Variants in UNC13C observed in about 807,000 individuals in gnomAD.
UNC13C encodes the protein unc-13 homolog C.
In UNC13C, 174 loss-of-function variants were observed where a neutral mutation model predicts 245.4. The observed-to-expected ratio is 0.71, with a 90% confidence interval of 0.63 to 0.80. UNC13C has a LOEUF of 0.80. Among genes scored for constraint, UNC13C ranks in the 30% least tolerant of loss-of-function variants. The probability of loss-of-function intolerance (pLI) is 0.00; values close to 1 mark genes in which losing one functional copy is unlikely to be tolerated. For missense variants in UNC13C, 2,829 were observed against 2,602.9 expected (o/e 1.09, Z -1.89); for synonymous variants, 992 against 895.1 (o/e 1.11, Z -1.93).
intron 19 of UNC13C, among the ~76,000 whole-genome samples, chr15:54,415,370 A>G (rs920055067): frequency 8.5e-5 from 13 of 152,172 alleles, no homozygotes; most frequent in Admixed American, 7.2e-4. Flanking sequence ...AGCAGGCCAT[A>G]TTGAGGGGGT....
intron 17 of UNC13C, among the ~76,000 whole-genome samples, chr15:54,374,899 T>G (rs1395975341): frequency 6.6e-6 from 1 of 152,256 alleles, no homozygotes; most frequent in Non-Finnish European, 1.5e-5. Context: ...AGCAGATCAC[T>G]GCAGTATCCA....
chr15:54,411,712 T>C lies in UNC13C; in HGVS notation c.4848-3270T>C, dbSNP rs760151510. 1.7e-4 allele frequency among the ~76,000 whole-genome samples: 26 copies of C among 152,194 alleles called. 1 individual carries two copies. Among genetic ancestry groups the C allele is most frequent in the Admixed American group, 1.0e-3 (16 of 15,274 alleles). On this transcript the variant is annotated intron_variant, in intron 18 of 32. Coordinates refer to ENST00000260323, the MANE Select transcript of UNC13C (RefSeq NM_001080534.3). The stretch of plus-strand genomic sequence containing the variant: ...TTCTGTATAAATTATTATATTTTCA[T>C]AGAAAGCTGCAAATACAAGTAATGT...
At chr15:53,897,607 A>G in the UNC13C span, among the ~76,000 whole-genome samples, 16 of 152,306 alleles carry the variant, frequency 1.1e-4, no homozygotes, top group African/African-American at 3.6e-4. Flanking sequence ...GCAATACATT[A>G]CAACTCAACT....
Position 54,250,386 on chromosome 15 carries a change from G to T in UNC13C, c.3390G>T (p.Glu1130Asp). The T allele has an allele frequency of 6.2e-7, 1 of 1,613,908 alleles. No individual in the cohort carries two copies. Among genetic ancestry groups the T allele is most frequent in the South Asian group, 1.1e-5 (1 of 91,072 alleles). The change falls in exon 8 of 33, where the codon GAG becomes GAT. Residue 1130 changes from glutamate (E) to aspartate (D), a missense_variant. Glu to Asp is a conservative substitution (Grantham distance 45). Transcript: ENST00000260323. The stretch of plus-strand genomic sequence containing the variant: ...CAAGGCAAGGCATGAAGTGTCTGGA[G>T]TGTGGAGTGAAATGCCACGAAAAGT... ...GIARQGMKCL[E>D]CGVKCHEKCQ...
chr15:54,074,735 G>A (rs1397881127), intron 2 of UNC13C, among the ~76,000 whole-genome samples: 1 of 152,198 alleles, frequency 6.6e-6, no homozygotes, highest in Admixed American at 6.5e-5. Flanking sequence ...CATATTGCAA[G>A]ACTTGGCTGA....
chr15:54,406,258 G>A (rs531080881), intron 18 of UNC13C, among the ~76,000 whole-genome samples: 4 of 152,316 alleles, frequency 2.6e-5, no homozygotes, highest in South Asian at 4.1e-4. Flanking sequence ...TGGAAAAGCA[G>A]CAAGGCCTGC....
In UNC13C at chr15:54,512,589, A is replaced by G. The variant is rs150207070; in HGVS notation, c.5457+759A>G. On this transcript the variant is annotated intron_variant, in intron 24 of 32. Transcript: ENST00000260323. The stretch of plus-strand genomic sequence containing the variant: ...GCATTCAGGGATTGAGGACTGGAGA[A>G]GGTGCTGAGAGGGAGGGTCATGAAG... Among the ~76,000 whole-genome samples the G allele has an allele frequency of 6.6e-4, 101 of 152,264 alleles. No individual in the cohort carries two copies. The Middle Eastern group carries it at 0.01, about 15-fold the overall frequency.
At chr15:54,476,811 T>C (rs1892769861) in intron 19 of UNC13C, among the ~76,000 whole-genome samples, 1 of 150,896 alleles carries the variant, frequency 6.6e-6, no homozygotes, top group African/African-American at 2.4e-5. Context: ...TGGTTCCATA[T>C]GAACTTTAAA....
intron 13 of UNC13C, among the ~76,000 whole-genome samples, chr15:54,314,772 A>G (rs892608974): frequency 5.9e-5 from 9 of 151,658 alleles, no homozygotes; most frequent in African/African-American, 1.7e-4. Flanking sequence ...TTCCATCTTG[A>G]TTTTATATTT....
At chr15:54,365,577 T>C (rs2039345639) in intron 17 of UNC13C, among the ~76,000 whole-genome samples, 1 of 152,094 alleles carries the variant, frequency 6.6e-6, no homozygotes, top group African/African-American at 2.4e-5. Context: ...AAGATATCTT[T>C]TGTATTACGT....
intron 10 of UNC13C, among the ~76,000 whole-genome samples, chr15:54,272,669 C>T (rs116672342): frequency 1.7e-3 from 259 of 152,106 alleles, no homozygotes; most frequent in African/African-American, 6.1e-3. Context: ...TTATGTCTAG[C>T]AGCAGGAAAA....
intron 17 of UNC13C, among the ~76,000 whole-genome samples, chr15:54,353,972 C>T (rs575395020): frequency 6.6e-6 from 1 of 152,328 alleles, no homozygotes; most frequent in Non-Finnish European, 1.5e-5. Context: ...ACAGCTCTTA[C>T]AATTCCTAGG....
At chr15:54,533,194 C>G (rs1895839379) in intron 26 of UNC13C, 128 bp downstream of exon 26, 2 of 638,176 alleles carry the variant, frequency 3.1e-6, no homozygotes, top group African/African-American at 3.9e-5. Context: ...TAAATGAATT[C>G]AAAGATAAAT....
chr15:54,478,115 C>G (rs1240547436), intron 19 of UNC13C, among the ~76,000 whole-genome samples: 1 of 151,616 alleles, frequency 6.6e-6, no homozygotes, highest in African/African-American at 2.4e-5. Flanking sequence ...TTGTAGTATT[C>G]TCTGATGGTA....
At chr15:53,901,312 C>T in the UNC13C span, among the ~76,000 whole-genome samples, 933 of 151,324 alleles carry the variant, frequency 6.2e-3, 9 homozygotes, top group African/African-American at 0.021. Context: ...CTCCACCTCC[C>T]GGGTTCATGC....
chr15:54,295,988 T>C (rs1448239578), intron 11 of UNC13C, among the ~76,000 whole-genome samples: 1 of 152,126 alleles, frequency 6.6e-6, no homozygotes, highest in African/African-American at 2.4e-5. Context: ...ACCCTCCTTA[T>C]CACTTAAAAT....
At chr15:54,409,834 T>A (rs766820524) in intron 18 of UNC13C, among the ~76,000 whole-genome samples, 8 of 152,226 alleles carry the variant, frequency 5.3e-5, no homozygotes, top group Non-Finnish European at 1.5e-5. Context: ...AGTGCTGTGA[T>A]GACCATACAA....
intron 4 of UNC13C, among the ~76,000 whole-genome samples, chr15:54,224,815 A>C (rs150797664): frequency 1.3e-5 from 2 of 152,216 alleles, no homozygotes; most frequent in Non-Finnish European, 2.9e-5. Context: ...TTGCAGCTTC[A>C]ATCTCACTAC....
the UNC13C span, among the ~76,000 whole-genome samples, chr15:53,886,605 GGCA>G: frequency 1.3e-5 from 2 of 152,134 alleles, no homozygotes; most frequent in Non-Finnish European, 2.9e-5. Context: ...CTAAAAGAGA[GGCA>G]GTATAATTCT....
Sources: allele counts gnomAD v4.1 joint callset (sites outside exome capture counted in the v4.1 genomes callset), GRCh38; gene constraint gnomAD v4.1.1; transcripts MANE v1.5; gene names NCBI Gene and HGNC (gene_info 2026-07-23, HGNC 2026-07-21).